The following AFF3 variants were observed in gnomAD, a reference collection of about 807,000 sequenced individuals.
AFF3 encodes the protein ALF transcription elongation factor 3.
Under a neutral mutation model 129.7 loss-of-function variants are expected in AFF3, and 32 were observed. That is an observed-to-expected ratio of 0.25 (90% CI 0.19 to 0.33). The LOEUF is 0.33. Ranked by LOEUF, AFF3 falls within the 10% of genes least tolerant of loss-of-function variation. The pLI, the probability that AFF3 is intolerant of heterozygous loss-of-function variation, is 1.00. For missense variants in AFF3, 1,373 were observed against 1,592.0 expected (o/e 0.86, Z 2.34); for synonymous variants, 644 against 635.4 (o/e 1.01, Z -0.20).
At chr2:99,946,003 C>A (rs1240816059) in intron 7 of AFF3, among the ~76,000 whole-genome samples, 1 of 152,168 alleles carries the variant, frequency 6.6e-6, no homozygotes, top group Non-Finnish European at 1.5e-5. Context: ...TAAATTTTGA[C>A]AAATAGAAAT....
At chr2:99,730,132 G>T (rs746761494) in intron 10 of AFF3, among the ~76,000 whole-genome samples, 1 of 152,096 alleles carries the variant, frequency 6.6e-6, no homozygotes, top group Non-Finnish European at 1.5e-5. Context: ...CTCAGTATGT[G>T]TCTTCTGTTC....
intron 8 of AFF3, among the ~76,000 whole-genome samples, chr2:99,790,024 G>A (rs1373837108): frequency 6.6e-6 from 1 of 152,198 alleles, no homozygotes; most frequent in African/African-American, 2.4e-5. Context: ...AATGCAAAGT[G>A]ATTGCTCATC....
chr2:99,680,903 C>T (rs779743291), intron 11 of AFF3, among the ~76,000 whole-genome samples: 6 of 152,168 alleles, frequency 3.9e-5, no homozygotes, highest in East Asian at 1.9e-4. Flanking sequence ...GCTATACCAG[C>T]GTTCACACAT....
rs140771348 is a variant in AFF3 at position 99,587,384 on chromosome 2, C to T, written c.2467-106G>A. ...CAAGGCCTCCTGGGAGCCCCACTCA[C>T]CTGGCTTCCCCGAAGCACAGCCTGA... is the stretch of plus-strand genomic sequence containing the variant. On this transcript the variant is annotated intron_variant, in intron 15 of 24. Transcript: ENST00000672756. 23 of 1,374,598 alleles carry T rather than the reference C, an allele frequency of 1.7e-5. No individual in the cohort carries two copies. In the East Asian group the frequency reaches 5.4e-4, roughly 32 times the overall value. 85.2% of individuals were successfully genotyped at this position (1,374,598 alleles called of 1,614,324 possible).
At chr2:99,833,004 A>T (rs994919360) in intron 8 of AFF3, among the ~76,000 whole-genome samples, 2 of 152,278 alleles carry the variant, frequency 1.3e-5, no homozygotes, top group African/African-American at 2.4e-5. Flanking sequence ...ACCTAGGTCC[A>T]GCTCTGCAAA....
At chr2:99,986,992 T>C (rs1289658043) in intron 7 of AFF3, among the ~76,000 whole-genome samples, 4 of 152,218 alleles carry the variant, frequency 2.6e-5, no homozygotes, top group Admixed American at 1.3e-4. Flanking sequence ...TAGTTAGGTC[T>C]TTGGTGAACG....
intron 13 of AFF3, among the ~76,000 whole-genome samples, chr2:99,608,427 T>A (rs1054810566): frequency 2.0e-5 from 3 of 152,226 alleles, no homozygotes; most frequent in Admixed American, 2.0e-4. Context: ...AATTTATCCA[T>A]GCAATGTATT....
chr2:99,927,400 A>G (rs1028926448), intron 7 of AFF3, among the ~76,000 whole-genome samples: 17 of 152,236 alleles, frequency 1.1e-4, no homozygotes, highest in Admixed American at 1.1e-3. Flanking sequence ...TGCAGCTACA[A>G]AAAAGAATGA....
intron 13 of AFF3, among the ~76,000 whole-genome samples, chr2:99,616,714 C>T (rs537385724): frequency 1.1e-3 from 165 of 152,240 alleles, no homozygotes; most frequent in African/African-American, 3.8e-3. Context: ...CGAGATCGCG[C>T]CACTGCACTC....
chr2:99,987,331 T>G (rs1180508414), intron 7 of AFF3, among the ~76,000 whole-genome samples: 2 of 152,200 alleles, frequency 1.3e-5, no homozygotes, highest in Non-Finnish European at 2.9e-5. Context: ...CCTAGCACAA[T>G]GAAGCACTCC....
intron 11 of AFF3, among the ~76,000 whole-genome samples, chr2:99,707,915 A>G (rs1677554079): frequency 6.6e-6 from 1 of 152,020 alleles, no homozygotes; most frequent in Admixed American, 6.6e-5. Context: ...CCTATCTTGT[A>G]TTATTCTCTG....
intron 13 of AFF3, among the ~76,000 whole-genome samples, chr2:99,607,270 C>A (rs1171073239): frequency 6.6e-6 from 1 of 152,100 alleles, no homozygotes; most frequent in Non-Finnish European, 1.5e-5. Flanking sequence ...CAGTGGCTCA[C>A]GCCTGTAATC....
intron 11 of AFF3, among the ~76,000 whole-genome samples, chr2:99,720,139 A>T (rs1678763164): frequency 6.6e-6 from 1 of 152,182 alleles, no homozygotes; most frequent in East Asian, 1.9e-4. Flanking sequence ...TTTCCTTTTA[A>T]TTGGAGTTTT....
chr2:99,691,782 G>A (rs1675692116), intron 11 of AFF3, among the ~76,000 whole-genome samples: 1 of 152,142 alleles, frequency 6.6e-6, no homozygotes, highest in South Asian at 2.1e-4. Flanking sequence ...TGGGGTAATG[G>A]GATGAGCCCT....
intron 4 of AFF3, among the ~76,000 whole-genome samples, chr2:100,047,037 T>C (rs1001660045): frequency 2.6e-5 from 4 of 152,178 alleles, no homozygotes; most frequent in African/African-American, 9.7e-5. Flanking sequence ...CACTTTCCAC[T>C]GTAACAGCCA....
At chr2:99,584,337 G>C (rs1306077709) in intron 16 of AFF3, among the ~76,000 whole-genome samples, 1 of 152,060 alleles carries the variant, frequency 6.6e-6, no homozygotes, top group East Asian at 1.9e-4. Flanking sequence ...GTGTGGTGGC[G>C]CATGCCTGTA....
At chr2:99,972,935 C>G (rs111799970) in intron 7 of AFF3, among the ~76,000 whole-genome samples, 1 of 152,134 alleles carries the variant, frequency 6.6e-6, no homozygotes, top group Admixed American at 6.5e-5. Flanking sequence ...AAACCTGGCA[C>G]CAGCAAAACA....
intron 8 of AFF3, among the ~76,000 whole-genome samples, chr2:99,831,100 C>T (rs974194940): frequency 6.6e-6 from 1 of 152,198 alleles, no homozygotes; most frequent in Non-Finnish European, 1.5e-5. Context: ...CCAGAGAAAA[C>T]CCGCACAGAC....
chr2:99,639,104 A>G (rs1683946203), intron 13 of AFF3, among the ~76,000 whole-genome samples: 1 of 152,218 alleles, frequency 6.6e-6, no homozygotes, highest in African/African-American at 2.4e-5. Context: ...AAGGGCAATT[A>G]GTGGCTTTAT....
Sources: gnomAD v4.1 joint callset for allele counts (sites outside exome capture counted in the v4.1 genomes callset) on GRCh38, gnomAD v4.1.1 for gene constraint, MANE v1.5 for transcripts, NCBI Gene and HGNC (gene_info 2026-07-23, HGNC 2026-07-21) for gene names.